Variants in PCDHGB3 observed in about 807,000 individuals in gnomAD.
PCDHGB3 encodes protocadherin gamma subfamily B, 3.
In PCDHGB3, 40 loss-of-function variants were observed where a neutral mutation model predicts 59.2. That is an observed-to-expected ratio of 0.68 (90% confidence interval 0.52 to 0.88). PCDHGB3 has a LOEUF of 0.88. PCDHGB3 is among the 40% of genes least tolerant of loss of function. The pLI is 0.00. For missense variants in PCDHGB3, 1,309 were observed against 1,187.9 expected, an observed-to-expected ratio of 1.10 and a Z score of -1.50; for synonymous variants, 581 against 503.6, an observed-to-expected ratio of 1.15 and a Z score of -2.06.
intron 1 of PCDHGB3, chr5:141,423,750 T>TG (rs144521096): frequency 0.16 from 45,934 of 282,282 alleles, 1,791 homozygotes; most frequent in African/African-American, 0.37. Context: ...GAAAACTGTT[T>TG]GGGGGGGGGG....
At chr5:141,390,632 A>G in intron 1 of PCDHGB3, 1 of 240,428 alleles carries the variant, frequency 4.2e-6, no homozygotes, top group Admixed American at 5.1e-5. Context: ...ATATATGATG[A>G]ATACTTTTTT....
chr5:141,500,114 G>A (rs72790070), intron 2 of PCDHGB3, among the ~76,000 whole-genome samples: 10,550 of 151,670 alleles, frequency 0.07, 640 homozygotes, highest in African/African-American at 0.16. Flanking sequence ...TTGAATCCCT[G>A]CCTTTTCATA....
chr5:141,474,260 A>G (rs1459875243), intron 1 of PCDHGB3, among the ~76,000 whole-genome samples: 1 of 152,170 alleles, frequency 6.6e-6, no homozygotes, highest in Non-Finnish European at 1.5e-5. Flanking sequence ...AGACTGATAA[A>G]CCAGTGTATC....
rs369352283 is a variant in PCDHGB3 at position 141,374,184 on chromosome 5, C to T, written c.2415+1375C>T. On this transcript the variant is annotated intron_variant, in intron 1 of 3. Coordinates refer to ENST00000576222, the MANE Select transcript of PCDHGB3 (RefSeq NM_018924.5). ...GCCGCGGCAGCGCAGATCCGCTACTCTATTCCCGAGGAGCTGGAGAAAGGC... is the reference window on the plus strand; with the variant it reads ...GCCGCGGCAGCGCAGATCCGCTACTTTATTCCCGAGGAGCTGGAGAAAGGC... The T allele has an allele frequency of 5.0e-6, 8 of 1,613,676 alleles. No homozygotes were observed. In the East Asian group the frequency reaches 1.1e-4, roughly 22 times the overall value.
intron 3 of PCDHGB3, among the ~76,000 whole-genome samples, chr5:141,508,752 C>G (rs2099871515): frequency 6.6e-6 from 1 of 152,028 alleles, no homozygotes. Flanking sequence ...CGCTCTTTCT[C>G]TGGCGCCTCT....
chr5:141,381,844 T>TTTTTTTTC, intron 1 of PCDHGB3, among the ~76,000 whole-genome samples: 1 of 145,182 alleles, frequency 6.9e-6, no homozygotes. Context: ...TTTTTTTTTT[T>TTTTTTTTC]TTTTGGCAGA....
In PCDHGB3 at chr5:141,510,834, G is replaced by A. The variant is rs1043468083; in HGVS notation, c.2564-113G>A. 49 of 1,581,762 alleles carry A rather than the reference G, an allele frequency of 3.1e-5. 1 individual carries two copies. The highest frequency in any genetic ancestry group is 4.0e-5 in the Non-Finnish European group (46 of 1,161,670). On this transcript the variant is annotated intron_variant, in intron 3 of 3. Coordinates refer to ENST00000576222, the MANE Select transcript of PCDHGB3 (RefSeq NM_018924.5). ...GACCCCTATATTCCCAGTGCTCAGC[G>A]TGGTCAAGGCCCAGGGTGCTGTATA...
intron 1 of PCDHGB3, among the ~76,000 whole-genome samples, chr5:141,459,334 A>G (rs987526492): frequency 5.9e-5 from 9 of 152,116 alleles, no homozygotes; most frequent in Admixed American, 1.3e-4. Flanking sequence ...TTTTACTCCA[A>G]AGTTCTTGAA....
chr5:141,459,076 C>T (rs1474375780), intron 1 of PCDHGB3, among the ~76,000 whole-genome samples: 1 of 152,144 alleles, frequency 6.6e-6, no homozygotes, highest in Non-Finnish European at 1.5e-5. Context: ...ATAAAATTTG[C>T]CTTTTAAAAT....
In PCDHGB3 at chr5:141,381,826, CTTTTTT is replaced by C. The variant is rs770630741; in HGVS notation, c.2415+9034_2415+9039del. 6.8e-3 allele frequency among the ~76,000 whole-genome samples: 507 copies of C among 74,296 alleles called. 2 individuals are homozygous for C. Among genetic ancestry groups the C allele is most frequent in the Non-Finnish European group, 8.2e-3 (349 of 42,396 alleles). 48.7% of individuals were successfully genotyped at this position (74,296 alleles called of 152,430 possible). On this transcript the variant is annotated intron_variant, in intron 1 of 3. Transcript: ENST00000576222. ...TTTCTTTCTTTCTTTCTTTCTTCTT[CTTTTTT>C]TTTTTTTTTTTTTTTTGGCAGAGTT... is the stretch of plus-strand genomic sequence containing the variant.
At chr5:141,402,332 A>G (rs991402257) in intron 1 of PCDHGB3, among the ~76,000 whole-genome samples, 2 of 152,036 alleles carry the variant, frequency 1.3e-5, no homozygotes, top group African/African-American at 4.8e-5. Flanking sequence ...TTACAAATAT[A>G]TAGGTATAAA....
chr5:141,444,329 G>T (rs536314842), intron 1 of PCDHGB3, among the ~76,000 whole-genome samples: 1 of 151,792 alleles, frequency 6.6e-6, no homozygotes, highest in Admixed American at 6.6e-5. Context: ...GTGCCACCAC[G>T]CCCAGCTAAT....
chr5:141,415,750 T>G lies in PCDHGB3; in HGVS notation c.2415+42941T>G, dbSNP rs758016978. 309 of 1,313,170 alleles carry G rather than the reference T, an allele frequency of 2.4e-4. No individual in the cohort carries two copies. In the East Asian group the frequency reaches 2.9e-3, roughly 12 times the overall value. 81.3% of individuals were successfully genotyped at this position (1,313,170 alleles called of 1,614,324 possible). On this transcript the variant is annotated intron_variant, in intron 1 of 3. Coordinates refer to ENST00000576222, the MANE Select transcript of PCDHGB3 (RefSeq NM_018924.5). Reference sequence around the variant, plus strand: ...TTGATGTTTATTAAGGTTTTTTTTTTTTTTTTTTTTTTTTTTTTTTTTACT... The same window carrying G: ...TTGATGTTTATTAAGGTTTTTTTTTGTTTTTTTTTTTTTTTTTTTTTTACT...
At chr5:141,478,788 T>A (rs576491824) in intron 1 of PCDHGB3, 147 of 1,473,736 alleles carry the variant, frequency 1.0e-4, no homozygotes, top group Non-Finnish European at 1.3e-4. Context: ...CTAATTCACA[T>A]CCTCAGCACT....
chr5:141,411,969 T>G (rs2095526864), intron 1 of PCDHGB3: 1 of 152,258 alleles, frequency 6.6e-6, no homozygotes, highest in Non-Finnish European at 1.5e-5. Context: ...ATAAAATCTT[T>G]GAAGAGTTCT....
At chr5:141,423,711 T>C (rs1479409204) in intron 1 of PCDHGB3, 1 of 1,330,004 alleles carries the variant, frequency 7.5e-7, no homozygotes, top group Non-Finnish European at 9.6e-7. Flanking sequence ...GCACAAGTCT[T>C]TTAAGGAGAT....
intron 1 of PCDHGB3, among the ~76,000 whole-genome samples, chr5:141,461,119 C>T (rs959427669): frequency 6.6e-6 from 1 of 152,016 alleles, no homozygotes; most frequent in Admixed American, 6.6e-5. Flanking sequence ...GTGTCTTTTT[C>T]ATATAATTAC....
intron 3 of PCDHGB3, among the ~76,000 whole-genome samples, chr5:141,506,621 G>A (rs143369587): frequency 1.3e-5 from 2 of 152,178 alleles, no homozygotes; most frequent in African/African-American, 4.8e-5. Flanking sequence ...GTGTTACCAG[G>A]GCCAAATGCA....
chr5:141,395,657 T>C (rs1400217115), intron 1 of PCDHGB3: 1 of 162,996 alleles, frequency 6.1e-6, no homozygotes, highest in African/African-American at 2.4e-5. Context: ...TTAGCAAAAG[T>C]AAAATATATC....
Sources: allele counts gnomAD v4.1 joint callset (sites outside exome capture counted in the v4.1 genomes callset), GRCh38; gene constraint gnomAD v4.1.1; transcripts MANE v1.5; gene names NCBI Gene and HGNC (gene_info 2026-07-23, HGNC 2026-07-21).